Variants in PLEKHM3 observed in about 807,000 individuals in gnomAD.
PLEKHM3 encodes the protein pleckstrin homology domain containing M3.
A neutral mutation model predicts 81.8 loss-of-function variants in PLEKHM3; 45 were observed. That is an observed-to-expected ratio of 0.55 (90% CI 0.43 to 0.71). The LOEUF (loss-of-function observed/expected upper bound fraction) is 0.71. Ranked by LOEUF, PLEKHM3 falls within the 30% of genes least tolerant of loss-of-function variation. The probability of loss-of-function intolerance (pLI) is 0.00; values close to 1 mark genes in which losing one functional copy is unlikely to be tolerated. For synonymous variants in PLEKHM3, 352 were observed against 356.4 expected, an observed-to-expected ratio of 0.99 and a Z score of 0.14; for missense variants, 788 against 924.3, an observed-to-expected ratio of 0.85 and a Z score of 1.91.
chr2:207,877,992 G>C (rs1043042407), intron 6 of PLEKHM3, among the ~76,000 whole-genome samples: 28 of 152,276 alleles, frequency 1.8e-4, no homozygotes, highest in Non-Finnish European at 3.1e-4. Flanking sequence ...CTGGAGTGCA[G>C]TGGCGTAATC....
chr2:207,879,931 A>T (rs2092578194), intron 6 of PLEKHM3, among the ~76,000 whole-genome samples: 1 of 151,918 alleles, frequency 6.6e-6, no homozygotes, highest in Middle Eastern at 3.2e-3. Context: ...TCAAAAGTGA[A>T]TATTAATGTA....
At position 208,001,868 on chromosome 2, in the gene PLEKHM3, A is replaced by C. The variant is rs567404185; in HGVS notation, c.-229T>G. The C allele has an allele frequency of 6.3e-5, 36 of 570,974 alleles. No individual in the cohort carries two copies. In the African/African-American group the frequency reaches 6.4e-4, roughly 10 times the overall value. 35.4% of individuals were successfully genotyped at this position (570,974 alleles called of 1,614,324 possible). A position where few individuals can be genotyped will look rare whatever the true frequency, so the allele number is the denominator to read the frequency against. ...CATTAACAGATGTATAGGGAGACCA[A>C]ATGTTCCTTTGAGATTATTCTTCAG... On this transcript the variant is annotated 5_prime_UTR_variant, in exon 2 of 8. It adds an upstream start codon to the 5' untranslated region. Transcript: ENST00000427836.
intron 7 of PLEKHM3, chr2:207,851,216 G>A (rs1444119125): frequency 6.7e-6 from 1 of 150,190 alleles, no homozygotes; most frequent in Non-Finnish European, 1.5e-5. Flanking sequence ...AGGAGGGCAT[G>A]TTTCGTCATT....
intron 6 of PLEKHM3, among the ~76,000 whole-genome samples, chr2:207,889,207 G>A (rs1488712959): frequency 6.6e-6 from 1 of 152,136 alleles, no homozygotes; most frequent in Non-Finnish European, 1.5e-5. Flanking sequence ...CACATGCTGG[G>A]GATGCAGGTG....
chr2:207,900,167 G>GA (rs1688370912), intron 6 of PLEKHM3: 1 of 152,204 alleles, frequency 6.6e-6, no homozygotes, highest in Admixed American at 6.5e-5. Flanking sequence ...TCTAGCCTAG[G>GA]TGAGAAGACT....
intron 3 of PLEKHM3, among the ~76,000 whole-genome samples, chr2:207,962,674 T>C (rs1690777531): frequency 6.6e-6 from 1 of 152,078 alleles, no homozygotes; most frequent in Admixed American, 6.6e-5. Context: ...ATTTGTGAGG[T>C]CTGTGCTAAT....
intron 6 of PLEKHM3, among the ~76,000 whole-genome samples, chr2:207,908,160 A>T (rs1341153668): frequency 1.3e-5 from 2 of 152,182 alleles, no homozygotes; most frequent in Non-Finnish European, 2.9e-5. Context: ...ATTTGTGTAC[A>T]GGTTTTTCTA....
rs148495105 is a variant in PLEKHM3 at position 207,957,097 on chromosome 2, G to A, written c.1547-10585C>T. Among the ~76,000 whole-genome samples the A allele has an allele frequency of 2.1e-3, 322 of 152,250 alleles. 3 individuals carry two copies. Among genetic ancestry groups the A allele is most frequent in the African/African-American group, 7.2e-3 (298 of 41,558 alleles). On this transcript the variant is annotated intron_variant, in intron 3 of 7. Transcript: ENST00000427836. ...GATGCTCATGATGTTTCAAGCCTGT[G>A]ACTCATGTGAGAAATCCATCAATTA...
intron 4 of PLEKHM3, among the ~76,000 whole-genome samples, chr2:207,944,359 A>C (rs1437474168): frequency 6.6e-6 from 1 of 152,176 alleles, no homozygotes; most frequent in Non-Finnish European, 1.5e-5. Flanking sequence ...AAGAGACGAG[A>C]TTTGGCAAAA....
chr2:207,944,775 C>T (rs12998109), intron 4 of PLEKHM3, among the ~76,000 whole-genome samples: 30,528 of 152,140 alleles, frequency 0.2, 3,662 homozygotes, highest in Middle Eastern at 0.34. Flanking sequence ...CTATTGTTCA[C>T]GCAATTCCAT....
At chr2:207,880,362 G>A (rs1574364439) in intron 6 of PLEKHM3, among the ~76,000 whole-genome samples, 1 of 150,636 alleles carries the variant, frequency 6.6e-6, no homozygotes, top group East Asian at 2.0e-4. Flanking sequence ...AGCTGAGATC[G>A]TGCCACTGCA....
chr2:207,853,479 A>C (rs2092423325), intron 7 of PLEKHM3, among the ~76,000 whole-genome samples: 2 of 151,762 alleles, frequency 1.3e-5, no homozygotes, highest in South Asian at 4.2e-4. Flanking sequence ...CACACCTATA[A>C]TCCCAGCACT....
intron 3 of PLEKHM3, among the ~76,000 whole-genome samples, chr2:207,951,479 A>T (rs1349245794): frequency 1.3e-5 from 2 of 152,222 alleles, no homozygotes; most frequent in East Asian, 1.9e-4. Flanking sequence ...TTCAGAGTGT[A>T]TTCAATTCAT....
chr2:207,924,226 G>A (rs1257953174), intron 5 of PLEKHM3, among the ~76,000 whole-genome samples: 1 of 151,686 alleles, frequency 6.6e-6, no homozygotes, highest in Non-Finnish European at 1.5e-5. Flanking sequence ...ATTTTTCAGG[G>A]AAAAAATAAT....
At chr2:208,011,784 A>ATT (rs1692702849) in intron 1 of PLEKHM3, among the ~76,000 whole-genome samples, 1 of 126,222 alleles carries the variant, frequency 7.9e-6, no homozygotes, top group African/African-American at 3.4e-5. Context: ...GCTCTGATAA[A>ATT]CTTTTTTTTT....
At chr2:207,906,575 G>A (rs1295658451) in intron 6 of PLEKHM3, among the ~76,000 whole-genome samples, 2 of 152,076 alleles carry the variant, frequency 1.3e-5, no homozygotes, top group Admixed American at 1.3e-4. Context: ...GATCACTTGA[G>A]GTCAGAAGTT....
chr2:207,994,919 A>T (rs1415526396), intron 2 of PLEKHM3, among the ~76,000 whole-genome samples: 1 of 152,180 alleles, frequency 6.6e-6, no homozygotes, highest in Non-Finnish European at 1.5e-5. Context: ...TCTCTCCATA[A>T]GGCAAGGCAA....
intron 4 of PLEKHM3, among the ~76,000 whole-genome samples, chr2:207,933,416 G>A (rs1689652233): frequency 6.6e-6 from 1 of 152,278 alleles, no homozygotes; most frequent in East Asian, 1.9e-4. Flanking sequence ...TTAAAATGAG[G>A]AAAAGACTGA....
At chr2:207,994,489 G>A (rs1177796374) in intron 2 of PLEKHM3, among the ~76,000 whole-genome samples, 1 of 151,968 alleles carries the variant, frequency 6.6e-6, no homozygotes, top group Non-Finnish European at 1.5e-5. Flanking sequence ...CTAGAAATCA[G>A]CCATTCTTTT....
Sources: gnomAD v4.1 joint callset for allele counts (sites outside exome capture counted in the v4.1 genomes callset) on GRCh38, gnomAD v4.1.1 for gene constraint, MANE v1.5 for transcripts, NCBI Gene and HGNC (gene_info 2026-07-23, HGNC 2026-07-21) for gene names.